DPP6: variants seen among roughly 807,000 people sequenced by gnomAD.
DPP6 encodes the protein A-type potassium channel modulatory protein DPP6.
Under a neutral mutation model 122.6 loss-of-function variants are expected in DPP6, and 69 were observed. The ratio of observed to expected loss-of-function variants is 0.56; its 90% CI spans 0.46 to 0.69. DPP6 has a LOEUF of 0.69. Among genes scored for constraint, DPP6 ranks in the 30% least tolerant of loss-of-function variants. DPP6 has a pLI of 0.00. For synonymous variants in DPP6, 418 were observed against 433.1 expected (o/e 0.97, Z 0.43); for missense variants, 928 against 1,116.9 (o/e 0.83, Z 2.41).
intron 1 of DPP6, among the ~76,000 whole-genome samples, chr7:153,944,981 G>C (rs1275002251): frequency 6.6e-6 from 1 of 152,100 alleles, no homozygotes; most frequent in African/African-American, 2.4e-5. Flanking sequence ...CTCTGTTCCT[G>C]CTGCTGGGAG....
intron 1 of DPP6, among the ~76,000 whole-genome samples, chr7:154,316,408 G>A (rs1178651987): frequency 6.6e-6 from 1 of 152,166 alleles, no homozygotes; most frequent in African/African-American, 2.4e-5. Context: ...AAGAACTGTT[G>A]AAAAATGGGC....
At chr7:154,291,394 G>A (rs1421783343) in intron 1 of DPP6, among the ~76,000 whole-genome samples, 1 of 152,148 alleles carries the variant, frequency 6.6e-6, no homozygotes, top group Non-Finnish European at 1.5e-5. Flanking sequence ...AGTGAAAACT[G>A]GCAAGTCTCC....
chr7:154,060,648 C>A lies in DPP6; in HGVS notation c.243+7585C>A, dbSNP rs1403758535. On this transcript the variant is annotated intron_variant, in intron 1 of 25. Coordinates refer to ENST00000377770, the MANE Select transcript of DPP6 (RefSeq NM_130797.4). ...ACCCCCATCGCAGGAGGGGGAGGCA[C>A]CCCCCACGAGAGTGGCGACTGAGAG... Among the ~76,000 whole-genome samples the A allele has an allele frequency of 2.5e-3, 349 of 138,812 alleles. 3 individuals carry two copies. The highest frequency in any genetic ancestry group is 6.1e-3 in the Admixed American group (84 of 13,854). 91.1% of individuals were successfully genotyped at this position (138,812 alleles called of 152,430 possible). A position where few individuals can be genotyped will look rare whatever the true frequency, so the allele number is the denominator to read the frequency against.
chr7:154,660,063 C>T (rs775912200), intron 6 of DPP6, among the ~76,000 whole-genome samples: 2 of 151,742 alleles, frequency 1.3e-5, no homozygotes, highest in Non-Finnish European at 2.9e-5. Flanking sequence ...ACTCCTGTAA[C>T]GTGTTGGTGG....
chr7:154,575,426 GGTGT>G (rs1831550271), intron 5 of DPP6, among the ~76,000 whole-genome samples: 4 of 37,102 alleles, frequency 1.1e-4, no homozygotes, highest in East Asian at 5.3e-4. Context: ...ATGTGTGTGT[GGTGT>G]GTATGTGTGT....
In DPP6 at chr7:154,691,059, C is replaced by T. The variant is rs3807244; in HGVS notation, c.762+21618C>T. 0.018 allele frequency among the ~76,000 whole-genome samples: 2,747 copies of T among 152,292 alleles called. 173 individuals are homozygous for T. The East Asian group carries it at 0.18, about 10-fold the overall frequency. ...GTTTCCCTCTTAGGATCACCTGTGA[C>T]GAGCAACGTCAAAGTGTTTTGGTGC... On this transcript the variant is annotated intron_variant, in intron 7 of 25. Transcript: ENST00000377770.
chr7:154,031,194 G>A (rs554166773), intron 1 of DPP6, among the ~76,000 whole-genome samples: 111 of 151,874 alleles, frequency 7.3e-4, no homozygotes, highest in Non-Finnish European at 1.3e-3. Flanking sequence ...AGTTTCACCC[G>A]CTGAAGTTTT....
intron 2 of DPP6, among the ~76,000 whole-genome samples, chr7:154,455,163 G>C (rs1219664685): frequency 1.3e-5 from 2 of 152,206 alleles, no homozygotes. Context: ...ATAGAACTTA[G>C]CTTGTGCATC....
intron 1 of DPP6, among the ~76,000 whole-genome samples, chr7:154,089,278 G>A (rs1487595168): frequency 4.0e-5 from 6 of 149,462 alleles, no homozygotes; most frequent in East Asian, 2.0e-4. Flanking sequence ...TTTTTCTTTC[G>A]TTTAAGACGT....
intron 1 of DPP6, among the ~76,000 whole-genome samples, chr7:154,239,335 G>A (rs375921474): frequency 1.2e-4 from 19 of 152,236 alleles, no homozygotes; most frequent in African/African-American, 4.1e-4. Flanking sequence ...GGGTTTGAAC[G>A]GAGCAGTTCC....
chr7:154,538,142 C>A (rs1458043824), intron 3 of DPP6, among the ~76,000 whole-genome samples: 1 of 152,094 alleles, frequency 6.6e-6, no homozygotes, highest in African/African-American at 2.4e-5. Context: ...AAAAAGTAAT[C>A]ATACGTTCTA....
intron 1 of DPP6, among the ~76,000 whole-genome samples, chr7:154,194,111 A>C (rs150558987): frequency 7.0e-4 from 107 of 152,188 alleles, no homozygotes; most frequent in African/African-American, 2.5e-3. Context: ...ACTTTGACAA[A>C]ATTCTTATTT....
At chr7:154,782,329 G>A (rs1797076311) in intron 10 of DPP6, among the ~76,000 whole-genome samples, 1 of 152,120 alleles carries the variant, frequency 6.6e-6, no homozygotes, top group Non-Finnish European at 1.5e-5. Flanking sequence ...ATTAAAATAT[G>A]ACCATCTATT....
intron 1 of DPP6, among the ~76,000 whole-genome samples, chr7:154,250,331 C>T (rs1418671718): frequency 1.3e-5 from 2 of 152,064 alleles, no homozygotes; most frequent in Non-Finnish European, 2.9e-5. Context: ...ATTTTTCATG[C>T]CATCTCCTCT....
rs1804058884 is a variant in DPP6 at position 154,868,200 on chromosome 7, C to T, written c.1813+107C>T. 4.3e-6 allele frequency: 6 copies of T among 1,401,794 alleles called. No homozygotes were observed. The African/African-American group carries it at 7.2e-5, about 17-fold the overall frequency. The allele number at this position is 1,401,794 out of a possible 1,614,324, so 86.8% of individuals were successfully genotyped here. On this transcript the variant is annotated intron_variant, in intron 18 of 25. Transcript: ENST00000377770. ...TGCCCTGCAAGGAAGACTCCCCAAG[C>T]ACGGGGGTGTATCTTTGCCCCTCAG... is the stretch of plus-strand genomic sequence containing the variant.
intron 1 of DPP6, among the ~76,000 whole-genome samples, chr7:154,077,616 G>A (rs751250928): frequency 1.3e-5 from 2 of 151,864 alleles, no homozygotes; most frequent in African/African-American, 4.8e-5. Context: ...CTTCCTAGGA[G>A]GTAGAATGGC....
At chr7:154,615,491 T>A (rs1364453558) in intron 5 of DPP6, among the ~76,000 whole-genome samples, 4 of 152,168 alleles carry the variant, frequency 2.6e-5, no homozygotes. Context: ...CCAGTTTTTG[T>A]GGAAAAAAAT....
At chr7:154,645,783 C>A (rs1206432193) in intron 6 of DPP6, among the ~76,000 whole-genome samples, 1 of 152,072 alleles carries the variant, frequency 6.6e-6, no homozygotes, top group Admixed American at 6.6e-5. Context: ...AATCCCAGCA[C>A]TTTGGGATGC....
the DPP6 span, among the ~76,000 whole-genome samples, chr7:153,876,847 G>T: frequency 1.3e-5 from 2 of 151,858 alleles, no homozygotes; most frequent in Non-Finnish European, 2.9e-5. Flanking sequence ...TAATTTTACT[G>T]TACCTTTTCT....
Sources: allele counts gnomAD v4.1 joint callset (sites outside exome capture counted in the v4.1 genomes callset), GRCh38; gene constraint gnomAD v4.1.1; transcripts MANE v1.5; gene names NCBI Gene and HGNC (gene_info 2026-07-23, HGNC 2026-07-21).